TLE4: variants seen among roughly 807,000 people sequenced by gnomAD.
The protein encoded by TLE4 is TLE family member 4, transcriptional corepressor.
Under a neutral mutation model 92.8 loss-of-function variants are expected in TLE4, and 8 were observed. The ratio of observed to expected loss-of-function variants is 0.09; its 90% CI spans 0.05 to 0.16. The LOEUF (loss-of-function observed/expected upper bound fraction) is 0.16. Among genes scored for constraint, TLE4 ranks in the 10% least tolerant of loss-of-function variants. The probability of loss-of-function intolerance (pLI) is 1.00; values close to 1 mark genes in which losing one functional copy is unlikely to be tolerated. For synonymous variants in TLE4, 371 were observed against 374.1 expected (o/e 0.99, Z 0.10); for missense variants, 675 against 997.6 (o/e 0.68, Z 4.36).
chr9:79,622,902 A>C (rs951215521), intron 5 of TLE4, among the ~76,000 whole-genome samples: 1 of 152,170 alleles, frequency 6.6e-6, no homozygotes, highest in Non-Finnish European at 1.5e-5. Context: ...CATTGGTCTT[A>C]CTTTCACCTC....
intron 4 of TLE4, among the ~76,000 whole-genome samples, chr9:79,597,804 T>C (rs993242977): frequency 6.6e-6 from 1 of 152,200 alleles, no homozygotes; most frequent in African/African-American, 2.4e-5. Context: ...CACTGTATGA[T>C]TCTTTGGCTT....
chr9:79,692,720 C>T (rs948758867), intron 8 of TLE4, among the ~76,000 whole-genome samples: 1 of 152,092 alleles, frequency 6.6e-6, no homozygotes, highest in East Asian at 1.9e-4. Flanking sequence ...TCTTGCTGTC[C>T]TTACATGGTG....
At chr9:79,667,641 C>G (rs1455952672) in intron 8 of TLE4, among the ~76,000 whole-genome samples, 1 of 152,016 alleles carries the variant, frequency 6.6e-6, no homozygotes, top group Non-Finnish European at 1.5e-5. Context: ...CGTATCCTGC[C>G]TATTGGAAGT....
chr9:79,574,803 A>G (rs1275314272), intron 2 of TLE4, 70 bp from the exon 3 acceptor site: 9 of 1,288,050 alleles, frequency 7.0e-6, no homozygotes, highest in Non-Finnish European at 1.0e-5. Context: ...TGAGATTTAG[A>G]ATATGCGTTT....
chr9:79,653,887 G>T (rs1176950634), intron 7 of TLE4, among the ~76,000 whole-genome samples, 172 bp from the exon 8 acceptor site: 1 of 152,142 alleles, frequency 6.6e-6, no homozygotes, highest in African/African-American at 2.4e-5. Context: ...TTATGAATTT[G>T]GTTGTGCAGT....
At chr9:79,631,177 A>G (rs2054089985) in intron 6 of TLE4, among the ~76,000 whole-genome samples, 1 of 152,204 alleles carries the variant, frequency 6.6e-6, no homozygotes, top group African/African-American at 2.4e-5. Context: ...AGGCAATAAC[A>G]AGCCTTGGTG....
intron 8 of TLE4, among the ~76,000 whole-genome samples, chr9:79,697,528 T>G (rs2068591017): frequency 6.6e-6 from 1 of 152,060 alleles, no homozygotes; most frequent in Non-Finnish European, 1.5e-5. Context: ...GAATCAACCC[T>G]GTGTCTTTGG....
At chr9:79,652,818 A>AATCT (rs1202764833) in intron 7 of TLE4, 24 bp downstream of exon 7, 1 of 1,608,834 alleles carries the variant, frequency 6.2e-7, no homozygotes, top group African/African-American at 1.3e-5. Context: ...TTGGAATGCC[A>AATCT]ATCTGAGATG....
chr9:79,662,333 G>C (rs928548348), intron 8 of TLE4, among the ~76,000 whole-genome samples: 2 of 152,150 alleles, frequency 1.3e-5, no homozygotes, highest in Non-Finnish European at 1.5e-5. Context: ...TGGGAGAGGG[G>C]AGGTAAATAA....
At chr9:79,617,777 C>A (rs2049994307) in intron 5 of TLE4, among the ~76,000 whole-genome samples, 1 of 151,660 alleles carries the variant, frequency 6.6e-6, no homozygotes, top group Admixed American at 6.6e-5. Context: ...TGTAAAAGGA[C>A]CTCACTGAAT....
intron 8 of TLE4, among the ~76,000 whole-genome samples, chr9:79,688,259 A>G (rs184435515): frequency 6.6e-6 from 1 of 152,140 alleles, no homozygotes; most frequent in African/African-American, 2.4e-5. Context: ...AAAACCCACT[A>G]TCTAATGCCT....
At chr9:79,650,065 G>A (rs1439829180) in intron 6 of TLE4, among the ~76,000 whole-genome samples, 4 of 151,788 alleles carry the variant, frequency 2.6e-5, no homozygotes, top group Non-Finnish European at 5.9e-5. Context: ...ACAGATGTGC[G>A]CCACCATGCC....
rs142912611 is a variant in TLE4, at chr9:79,651,458, A to C, written c.391-1135A>C. Among the ~76,000 whole-genome samples the C allele has an allele frequency of 2.5e-3, 375 of 152,276 alleles. 1 individual carries two copies. Among genetic ancestry groups the C allele is most frequent in the Non-Finnish European group, 4.0e-3 (269 of 68,012 alleles). On this transcript the variant is annotated intron_variant, in intron 6 of 19. Transcript: ENST00000376552. ...TTGAGGGCTTTCTCTATGTGTTGCC[A>C]GTGTGCTGGTAAAAATGACTTTAAA... is the stretch of plus-strand genomic sequence containing the variant.
At chr9:79,648,715 A>G (rs953421283) in intron 6 of TLE4, among the ~76,000 whole-genome samples, 9 of 152,360 alleles carry the variant, frequency 5.9e-5, no homozygotes, top group South Asian at 2.1e-4. Context: ...GGACTTGGCA[A>G]TTATCAATAT....
intron 4 of TLE4, among the ~76,000 whole-genome samples, chr9:79,596,889 G>T (rs1392775965): frequency 6.6e-6 from 1 of 152,182 alleles, no homozygotes; most frequent in Non-Finnish European, 1.5e-5. Flanking sequence ...AGAAATTAGA[G>T]TCACACTAGG....
chr9:79,625,821 G>A (rs560905012), intron 5 of TLE4, among the ~76,000 whole-genome samples: 2 of 150,790 alleles, frequency 1.3e-5, no homozygotes, highest in South Asian at 4.2e-4. Flanking sequence ...TTCCATGTTA[G>A]CAAATATTAT....
chr9:79,725,216 C>G lies in TLE4; in HGVS notation c.*72C>G, dbSNP rs191679662. 6 of 1,086,660 alleles carry G rather than the reference C, an allele frequency of 5.5e-6. No individual in the cohort carries two copies. Among genetic ancestry groups the G allele is most frequent in the African/African-American group, 1.6e-5 (1 of 64,120 alleles). The allele number at this position is 1,086,660 out of a possible 1,614,324, so 67.3% of individuals were successfully genotyped here. ...GCTCTGTCATCCTTTTTGTTCACCC[C>G]CATCCCCGCATCTAAAACCAAGGAT... On this transcript the variant is annotated 3_prime_UTR_variant, in exon 20 of 20. Coordinates refer to ENST00000376552, the MANE Select transcript of TLE4 (RefSeq NM_007005.6).
intron 14 of TLE4, chr9:79,718,176 TA>T: frequency 2.4e-6 from 1 of 418,646 alleles, no homozygotes. Flanking sequence ...AATAGGGCTT[TA>T]TCTTTTTTTT....
chr9:79,592,204 T>TTCC (rs1564203292), intron 4 of TLE4, among the ~76,000 whole-genome samples: 1 of 138,066 alleles, frequency 7.2e-6, no homozygotes, highest in African/African-American at 3.0e-5. Context: ...CTTCTTCTTC[T>TTCC]TCTTCTTCTT....
Sources: allele counts gnomAD v4.1 joint callset (sites outside exome capture counted in the v4.1 genomes callset), GRCh38; gene constraint gnomAD v4.1.1; transcripts MANE v1.5; gene names NCBI Gene and HGNC (gene_info 2026-07-23, HGNC 2026-07-21).